SNTG1: variants seen among roughly 807,000 people sequenced by gnomAD.
The protein encoded by SNTG1 is gamma-1-syntrophin.
Under a neutral mutation model 74.7 loss-of-function variants are expected in SNTG1, and 39 were observed. That is an observed-to-expected ratio of 0.52 (90% CI 0.40 to 0.68). The LOEUF is 0.68. Among genes scored for constraint, SNTG1 ranks in the 30% least tolerant of loss-of-function variants. SNTG1 has a pLI of 0.00. For synonymous variants in SNTG1, 254 were observed against 217.1 expected, an observed-to-expected ratio of 1.17 and a Z score of -1.49; for missense variants, 685 against 609.5, an observed-to-expected ratio of 1.12 and a Z score of -1.30.
intron 18 of SNTG1, among the ~76,000 whole-genome samples, chr8:50,757,016 C>A (rs925998198): frequency 6.6e-6 from 1 of 151,390 alleles, no homozygotes; most frequent in African/African-American, 2.4e-5. Flanking sequence ...GACATGTGAC[C>A]GAGAATATCT....
chr8:50,177,289 C>T (rs1341804685), intron 2 of SNTG1, among the ~76,000 whole-genome samples: 1 of 152,168 alleles, frequency 6.6e-6, no homozygotes, highest in Admixed American at 6.6e-5. Context: ...TGACTTTCCA[C>T]ATCTGCTCAG....
At chr8:50,139,520 A>G (rs1289879161) in intron 1 of SNTG1, among the ~76,000 whole-genome samples, 1 of 152,222 alleles carries the variant, frequency 6.6e-6, no homozygotes, top group East Asian at 1.9e-4. Flanking sequence ...CATGTCTGCC[A>G]ACATTCAACT....
chr8:50,248,975 A>G lies in SNTG1; in HGVS notation c.-28+76340A>G, dbSNP rs565062360. On this transcript the variant is annotated intron_variant, in intron 2 of 18. Coordinates refer to ENST00000642720, the MANE Select transcript of SNTG1 (RefSeq NM_018967.5). Reference sequence around the variant, plus strand: ...CATCAGCATGGTGGCCATCAAGGTAACATCAAAATTCCTGTGGAGCATGGG... The same window carrying G: ...CATCAGCATGGTGGCCATCAAGGTAGCATCAAAATTCCTGTGGAGCATGGG... Among the ~76,000 whole-genome samples, 12 of 152,290 alleles carry G rather than the reference A, an allele frequency of 7.9e-5. No homozygotes were observed. The South Asian group carries it at 2.3e-3, about 29-fold the overall frequency.
intron 3 of SNTG1, among the ~76,000 whole-genome samples, chr8:50,397,844 G>A (rs2092747611): frequency 6.6e-6 from 1 of 152,102 alleles, no homozygotes; most frequent in African/African-American, 2.4e-5. Context: ...CTTCCTCTAG[G>A]TCCCTCTGCA....
At chr8:50,508,328 T>C (rs947053318) in intron 9 of SNTG1, among the ~76,000 whole-genome samples, 18 of 152,246 alleles carry the variant, frequency 1.2e-4, no homozygotes, top group African/African-American at 4.1e-4. Context: ...CATTGTTGGA[T>C]ATTTGGCTTG....
intron 13 of SNTG1, among the ~76,000 whole-genome samples, chr8:50,637,373 TAATTC>T (rs1030338516): frequency 4.6e-4 from 70 of 152,246 alleles, no homozygotes; most frequent in African/African-American, 1.6e-3. Flanking sequence ...CCCACGAAGT[TAATTC>T]AATTAGGTAA....
At chr8:50,330,058 T>C (rs191781060) in intron 2 of SNTG1, among the ~76,000 whole-genome samples, 6 of 152,166 alleles carry the variant, frequency 3.9e-5, no homozygotes, top group African/African-American at 1.2e-4. Flanking sequence ...ATTGTCCACA[T>C]CTAATATGGT....
chr8:50,075,043 C>T (rs144521039), intron 1 of SNTG1, among the ~76,000 whole-genome samples: 7 of 152,354 alleles, frequency 4.6e-5, no homozygotes, highest in Non-Finnish European at 1.0e-4. Flanking sequence ...TCCCCCAGCA[C>T]TGCCGGCCGC....
chr8:50,543,511 T>C lies in SNTG1; in HGVS notation c.680+6703T>C, dbSNP rs2094363792. On this transcript the variant is annotated intron_variant, in intron 11 of 18. Transcript: ENST00000642720. ...ATTTCCTGGAGATTCTTCCAAGTAG[T>C]TTTATTTTTTCAGTTGTTCATTCCT... Among the ~76,000 whole-genome samples, 3 of 152,142 alleles carry C rather than the reference T, an allele frequency of 2.0e-5. No homozygotes were observed. The South Asian group carries it at 6.2e-4, about 31-fold the overall frequency.
intron 18 of SNTG1, among the ~76,000 whole-genome samples, chr8:50,765,253 T>G (rs1218709424): frequency 6.6e-6 from 1 of 152,072 alleles, no homozygotes; most frequent in South Asian, 2.1e-4. Flanking sequence ...TTCTGTAGCA[T>G]TTGGCTAAAG....
chr8:50,191,587 T>G (rs1447611862), intron 2 of SNTG1, among the ~76,000 whole-genome samples: 2 of 152,112 alleles, frequency 1.3e-5, no homozygotes, highest in East Asian at 1.9e-4. Context: ...AACTTTAAAT[T>G]CTGGGATACA....
chr8:50,279,582 G>T (rs1421099871), intron 2 of SNTG1, among the ~76,000 whole-genome samples: 1 of 152,080 alleles, frequency 6.6e-6, no homozygotes, highest in African/African-American at 2.4e-5. Context: ...AAAAATATTT[G>T]TTTCTCTGCC....
At chr8:50,719,357 T>C (rs1259153402) in intron 17 of SNTG1, among the ~76,000 whole-genome samples, 1 of 152,160 alleles carries the variant, frequency 6.6e-6, no homozygotes, top group Non-Finnish European at 1.5e-5. Flanking sequence ...TTCCTCCTTC[T>C]GCCACGGGAG....
At chr8:50,135,483 G>T (rs2081442656) in intron 1 of SNTG1, among the ~76,000 whole-genome samples, 1 of 152,094 alleles carries the variant, frequency 6.6e-6, no homozygotes, top group Non-Finnish European at 1.5e-5. Context: ...ATTGTTGATA[G>T]CTACCATTAA....
chr8:50,402,323 T>C lies in SNTG1; in HGVS notation c.141T>C (p.Ser47=), dbSNP rs771912366. 5 of 1,607,188 alleles carry C rather than the reference T, an allele frequency of 3.1e-6. No individual in the cohort carries two copies. Among genetic ancestry groups the C allele is most frequent in the South Asian group, 1.1e-5 (1 of 88,792 alleles). Residue 47 remains serine (S), a synonymous_variant, in exon 4 of 19, where the codon TCT becomes TCC. Transcript: ENST00000642720. ...MIQEQDVICV[S]GEPFYSGERT... ...AGGAACAGGATGTGATATGTGTGTC[T>C]GGTGAGCCTTTCTATTCTGGTGTAA... is the stretch of plus-strand genomic sequence containing the variant.
chr8:50,115,734 A>G (rs1265268619), intron 1 of SNTG1, among the ~76,000 whole-genome samples: 1 of 151,792 alleles, frequency 6.6e-6, no homozygotes, highest in African/African-American at 2.4e-5. Flanking sequence ...ATTGCATTTT[A>G]TTGTTTACAT....
chr8:50,261,280 C>T lies in SNTG1; in HGVS notation c.-28+88645C>T, dbSNP rs2087179571. Among the ~76,000 whole-genome samples the T allele has an allele frequency of 2.0e-5, 3 of 152,100 alleles. No homozygotes were observed. In the South Asian group the frequency reaches 6.2e-4, roughly 32 times the overall value. ...TTTAAAGTTTTGAAAAATGAATTCT[C>T]ATCGATTTAGAATTCCATTCAAGTG... On this transcript the variant is annotated intron_variant, in intron 2 of 18. Transcript: ENST00000642720.
At chr8:50,410,163 A>G (rs2092928757) in intron 4 of SNTG1, among the ~76,000 whole-genome samples, 2 of 152,340 alleles carry the variant, frequency 1.3e-5, no homozygotes, top group South Asian at 4.1e-4. Flanking sequence ...TTTGAGGTTC[A>G]TTATCTGTGA....
chr8:50,515,387 GTTTTTTTTTTTTTTT>G (rs34086906), intron 9 of SNTG1, among the ~76,000 whole-genome samples: 1 of 80,384 alleles, frequency 1.2e-5, no homozygotes, highest in Non-Finnish European at 2.3e-5. Flanking sequence ...AGCTGCAGGA[GTTTTTTTTTTTTTTT>G]TTTTTTTTTT....
Sources: gnomAD v4.1 joint callset for allele counts (sites outside exome capture counted in the v4.1 genomes callset) on GRCh38, gnomAD v4.1.1 for gene constraint, MANE v1.5 for transcripts, NCBI Gene and HGNC (gene_info 2026-07-23, HGNC 2026-07-21) for gene names.